The following CCDC163 variants were observed in gnomAD, a reference collection of about 807,000 sequenced individuals.
CCDC163 encodes the protein CCDC163 homolog.
Under a neutral mutation model 8.2 loss-of-function variants are expected in CCDC163, and 13 were observed. That is an observed-to-expected ratio of 1.59 (90% confidence interval 1.04 to 2.54). The LOEUF (loss-of-function observed/expected upper bound fraction) is 2.54, where lower values mean the gene tolerates loss of function less well. CCDC163 is among the 30% of genes most tolerant of loss of function. The pLI, the probability that CCDC163 is intolerant of heterozygous loss-of-function variation, is 0.00. For missense variants in CCDC163, 117 were observed against 78.6 expected, an observed-to-expected ratio of 1.49 and a Z score of -1.85; for synonymous variants, 41 against 30.9, an observed-to-expected ratio of 1.33 and a Z score of -1.08.
rs768263788 is a variant in CCDC163 at position 45,496,551 on chromosome 1, C to A, written c.330+5G>T. On this transcript the variant is annotated splice_donor_5th_base_variant and intron_variant, in intron 4 of 4. Transcript: ENST00000629482. Reference sequence around the variant, plus strand: ...ATGCAGAGACAAGTCTGAACCTAGTCCTACCTTCCAACTGCCAACCTGAGC... The same window carrying A: ...ATGCAGAGACAAGTCTGAACCTAGTACTACCTTCCAACTGCCAACCTGAGC... The A allele has an allele frequency of 1.3e-6, 1 of 780,514 alleles. No individual in the cohort carries two copies. Among genetic ancestry groups the A allele is most frequent in the Non-Finnish European group, 2.4e-6 (1 of 417,870 alleles). The allele number at this position is 780,514 out of a possible 1,614,324, so 48.3% of individuals were successfully genotyped here.
intron 2 of CCDC163, among the ~76,000 whole-genome samples, chr1:45,497,650 C>A (rs1368571217): frequency 2.9e-5 from 3 of 102,266 alleles, no homozygotes; most frequent in Admixed American, 1.3e-4. Context: ...GGCCGCCACC[C>A]CGTCTGGGAA....
chr1:45,499,023 G>C (rs765146890), intron 2 of CCDC163, among the ~76,000 whole-genome samples: 4 of 152,222 alleles, frequency 2.6e-5, no homozygotes, highest in Admixed American at 6.5e-5. Flanking sequence ...ATTAGGATCA[G>C]AGAATAGCAA....
rs926421457 is a variant in CCDC163 at position 45,494,213 on chromosome 1, T to C, written c.*846A>G. 1.3e-5 allele frequency: 2 copies of C among 152,102 alleles called. No homozygotes were observed. Among genetic ancestry groups the C allele is most frequent in the African/African-American group, 4.8e-5 (2 of 41,384 alleles). The allele number at this position is 152,102 out of a possible 1,614,324, so 9.4% of individuals were successfully genotyped here. ...GCTCACACCTGTAATCTGAACACTTTGGGAGGCCAAAGTTGGTGGATCAGT... is the reference window on the plus strand; with the variant it reads ...GCTCACACCTGTAATCTGAACACTTCGGGAGGCCAAAGTTGGTGGATCAGT... On this transcript the variant is annotated 3_prime_UTR_variant, in exon 5 of 5. Transcript: ENST00000629482.
chr1:45,499,383 A>G lies in CCDC163; in HGVS notation c.139T>C (p.Cys47Arg), dbSNP rs777732290. 7.8e-6 allele frequency: 6 copies of G among 772,622 alleles called. No individual in the cohort carries two copies. Among genetic ancestry groups the G allele is most frequent in the East Asian group, 5.1e-5 (2 of 38,966 alleles). The allele number at this position is 772,622 out of a possible 1,614,324, so 47.9% of individuals were successfully genotyped here. Residue 47 changes from cysteine (C) to arginine (R), a missense_variant, in exon 2 of 5, where the codon TGT becomes CGT. Cys to Arg is a radical substitution (Grantham distance 180). Coordinates refer to ENST00000629482, the MANE Select transcript of CCDC163 (RefSeq NM_001102601.3). ...ELIGLCICFF[C>R]SSGCIFLGSP... ...CCCAAGAAGATACAGCCACTGCTAC[A>G]GAAGAAACAGATGCACAGGCCAATG...
At chr1:45,496,664 T>C (rs1171107410) in intron 3 of CCDC163, 41 bp from the exon 4 acceptor site, 1 of 752,778 alleles carries the variant, frequency 1.3e-6, no homozygotes, top group Non-Finnish European at 2.5e-6. Context: ...TTCCCCAACT[T>C]CTTTCCTTCT....
chr1:45,498,146 G>A (rs898490113), intron 2 of CCDC163, among the ~76,000 whole-genome samples: 5 of 151,818 alleles, frequency 3.3e-5, no homozygotes, highest in Admixed American at 6.6e-5. Context: ...TAAGGGCGGT[G>A]CAAGATGTGC....
intron 3 of CCDC163, among the ~76,000 whole-genome samples, 182 bp downstream of exon 3, chr1:45,497,117 G>A (rs1396582007): frequency 1.3e-5 from 2 of 152,182 alleles, no homozygotes; most frequent in African/African-American, 4.8e-5. Context: ...AGGTTGCAGT[G>A]AGCCAAGATT....
At chr1:45,497,414 A>T in intron 2 of CCDC163, 31 bp from the exon 3 acceptor site, 1 of 775,096 alleles carries the variant, frequency 1.3e-6, no homozygotes, top group Non-Finnish European at 2.4e-6. Flanking sequence ...CAGAGTAAGA[A>T]GGCAAGTAGA....
At chr1:45,498,863 G>A (rs1435495277) in intron 2 of CCDC163, among the ~76,000 whole-genome samples, 1 of 152,212 alleles carries the variant, frequency 6.6e-6, no homozygotes, top group Non-Finnish European at 1.5e-5. Context: ...GCCCTGCACT[G>A]CCTGCCTTAG....
chr1:45,497,533 A>T (rs1023006941), intron 2 of CCDC163, 150 bp from the exon 3 acceptor site: 13 of 552,874 alleles, frequency 2.4e-5, no homozygotes, highest in Non-Finnish European at 4.2e-5. Context: ...TCAGTGCTCA[A>T]TGGCGCCCAG....
chr1:45,495,256 G>C, intron 4 of CCDC163, 90 bp from the exon 5 acceptor site: 4 of 757,294 alleles, frequency 5.3e-6, no homozygotes, highest in Non-Finnish European at 9.8e-6. Context: ...CTAATAGAGA[G>C]GGACATAGAG....
At chr1:45,499,281 T>A (rs1643464817) in intron 2 of CCDC163, 64 bp downstream of exon 2, 1 of 724,688 alleles carries the variant, frequency 1.4e-6, no homozygotes, top group Admixed American at 2.0e-5. Context: ...TAATGGATGA[T>A]ACGGGCACTG....
intron 2 of CCDC163, 124 bp from the exon 3 acceptor site, chr1:45,497,507 G>A (rs1460694010): frequency 1.6e-6 from 1 of 606,232 alleles, no homozygotes; most frequent in Non-Finnish European, 3.0e-6. Flanking sequence ...AAGGCCTCAA[G>A]AAGGCAAGGC....
intron 2 of CCDC163, 97 bp from the exon 3 acceptor site, chr1:45,497,480 C>T: frequency 1.5e-6 from 1 of 648,124 alleles, no homozygotes; most frequent in Non-Finnish European, 2.9e-6. Context: ...TGTCCCACTA[C>T]AAATGCCAAA....
In CCDC163 at chr1:45,494,585, G is replaced by T. The variant is rs1261791015; in HGVS notation, c.*474C>A. 3 of 181,678 alleles carry T rather than the reference G, an allele frequency of 1.7e-5. No homozygotes were observed. The highest frequency in any genetic ancestry group is 3.6e-5 in the Non-Finnish European group (3 of 84,354). 11.3% of individuals were successfully genotyped at this position (181,678 alleles called of 1,614,324 possible). ...CATCCCCCAGCACTACTGCCCTAGA[G>T]CAGTGTCCTACCTCATTCTACTCAC... On this transcript the variant is annotated 3_prime_UTR_variant, in exon 5 of 5. Transcript: ENST00000629482.
rs564848630 is a variant in CCDC163 at position 45,496,464 on chromosome 1, G to C, written c.330+92C>G. 8 of 720,536 alleles carry C rather than the reference G, an allele frequency of 1.1e-5. No individual in the cohort carries two copies. The East Asian group carries it at 2.1e-4, about 19-fold the overall frequency. The allele number at this position is 720,536 out of a possible 1,614,324, so 44.6% of individuals were successfully genotyped here. ...GGAATGAAGACAGGGGCAGGAGAGG[G>C]TATCCTGGCCTCCCTGCAGAACAGG... is the stretch of plus-strand genomic sequence containing the variant. On this transcript the variant is annotated intron_variant, in intron 4 of 4. Coordinates refer to ENST00000629482, the MANE Select transcript of CCDC163 (RefSeq NM_001102601.3).
At chr1:45,496,166 A>G in intron 4 of CCDC163, 1 of 346,062 alleles carries the variant, frequency 2.9e-6, no homozygotes, top group Non-Finnish European at 5.6e-6. Context: ...CCCCTGACCT[A>G]AGGAGGTTGT....
chr1:45,496,344 AC>A, intron 4 of CCDC163: 2 of 666,886 alleles, frequency 3.0e-6, no homozygotes, highest in East Asian at 2.9e-5. Context: ...CACACTTGGA[AC>A]CCTCATGTCG....
chr1:45,498,221 G>C lies in CCDC163; in HGVS notation c.178-838C>G, dbSNP rs573991437. Among the ~76,000 whole-genome samples, 7 of 152,002 alleles carry C rather than the reference G, an allele frequency of 4.6e-5. No homozygotes were observed. The South Asian group carries it at 1.2e-3, about 27-fold the overall frequency. ...AGTCATCACCACTCCCTAATCTCAA[G>C]TACCCAGGGACACAAACACTGCCGA... On this transcript the variant is annotated intron_variant, in intron 2 of 4. Coordinates refer to ENST00000629482, the MANE Select transcript of CCDC163 (RefSeq NM_001102601.3).
Sources: allele counts gnomAD v4.1 joint callset (sites outside exome capture counted in the v4.1 genomes callset), GRCh38; gene constraint gnomAD v4.1.1; transcripts MANE v1.5; gene names NCBI Gene and HGNC (gene_info 2026-07-23, HGNC 2026-07-21).